Variants in HCN2 observed in about 807,000 individuals in gnomAD.
The protein encoded by HCN2 is hyperpolarization activated cyclic nucleotide gated potassium and sodium channel 2.
Under a neutral mutation model 52.3 loss-of-function variants are expected in HCN2, and 20 were observed. The observed-to-expected ratio is 0.38, with a 90% CI of 0.27 to 0.56. The LOEUF is 0.56. Ranked by LOEUF, HCN2 falls within the 20% of genes least tolerant of loss-of-function variation. The pLI, the probability that HCN2 is intolerant of heterozygous loss-of-function variation, is 0.71. For synonymous variants in HCN2, 694 were observed against 537.0 expected (o/e 1.29, Z -4.04); for missense variants, 981 against 1,207.7 (o/e 0.81, Z 2.78).
rs1227864041 is a variant in HCN2 at position 616,656 on chromosome 19, TC to T, written c.*188del. On this transcript the variant is annotated 3_prime_UTR_variant, in exon 8 of 8. Coordinates refer to ENST00000251287, the MANE Select transcript of HCN2 (RefSeq NM_001194.4). ...GCAGCCCCCTCCGCGCCCCCGGCCG[TC>T]CCCCCTCATCGCCCCGCGCCCACCC... The T allele has an allele frequency of 7.7e-6, 2 of 258,478 alleles. No homozygotes were observed. The highest frequency in any genetic ancestry group is 1.4e-5 in the Non-Finnish European group (2 of 143,514). 16.0% of individuals were successfully genotyped at this position (258,478 alleles called of 1,614,324 possible).
At chr19:607,933 C>A in intron 3 of HCN2, 31 bp from the exon 4 acceptor site, 1 of 1,566,358 alleles carries the variant, frequency 6.4e-7, no homozygotes, top group Non-Finnish European at 8.7e-7. Context: ...TGAGCACCTG[C>A]CCACCACCGC....
chr19:610,527 G>A (rs556600518), intron 5 of HCN2, 122 bp downstream of exon 5: 35 of 834,378 alleles, frequency 4.2e-5, no homozygotes, highest in Middle Eastern at 3.7e-4. Context: ...GGAGGGACTC[G>A]AGCTAGACCT....
chr19:616,240 C>T lies in HCN2; in HGVS notation c.2436C>T (p.Arg812=), dbSNP rs1222641362. The T allele has an allele frequency of 4.0e-6, 4 of 1,004,354 alleles. No individual in the cohort carries two copies. Among genetic ancestry groups the T allele is most frequent in the Admixed American group, 6.1e-5 (1 of 16,406 alleles). 62.2% of individuals were successfully genotyped at this position (1,004,354 alleles called of 1,614,324 possible). The change falls in exon 8 of 8, where the codon CGC becomes CGT. Residue 812 remains arginine (R), a synonymous_variant. Coordinates refer to ENST00000251287, the MANE Select transcript of HCN2 (RefSeq NM_001194.4). Reference sequence around the variant, plus strand: ...CTGGGCCCGCCCTGCCCGCGCGCCGCCTGAGCCGCGCGTCGCGCCCACTGT... The same window carrying T: ...CTGGGCCCGCCCTGCCCGCGCGCCGTCTGAGCCGCGCGTCGCGCCCACTGT... ...PLAGPALPAR[R]LSRASRPLSA...
intron 1 of HCN2, among the ~76,000 whole-genome samples, chr19:598,605 C>G (rs1400695442): frequency 6.6e-6 from 1 of 151,860 alleles, no homozygotes; most frequent in Admixed American, 6.5e-5. Flanking sequence ...TGCACCCACC[C>G]TTCCCTTCTT....
At chr19:608,220 G>T in intron 4 of HCN2, 38 bp downstream of exon 4, 1 of 1,580,046 alleles carries the variant, frequency 6.3e-7, no homozygotes, top group South Asian at 1.1e-5. Context: ...GTTCTGATGG[G>T]GGAGGCGGGC....
chr19:609,261 CCGTCCTGGGGACAG>C (rs1379101406), intron 4 of HCN2, among the ~76,000 whole-genome samples: 10 of 152,302 alleles, frequency 6.6e-5, no homozygotes, highest in Non-Finnish European at 1.0e-4. Context: ...CCGGGGGGCA[CCGTCCTGGGGACAG>C]CAGGGCCTGG....
chr19:600,733 G>A (rs1260187555), intron 1 of HCN2, among the ~76,000 whole-genome samples: 2 of 152,100 alleles, frequency 1.3e-5, no homozygotes, highest in African/African-American at 4.8e-5. Context: ...CGCCTGCCTT[G>A]GCCTCCCAAA....
chr19:597,203 C>A (rs1482740278), intron 1 of HCN2, among the ~76,000 whole-genome samples: 1 of 152,196 alleles, frequency 6.6e-6, no homozygotes, highest in Non-Finnish European at 1.5e-5. Context: ...CCCTGCTGGG[C>A]AAGATGGGCT....
chr19:606,034 C>T (rs887233804), intron 3 of HCN2, among the ~76,000 whole-genome samples: 1 of 152,212 alleles, frequency 6.6e-6, no homozygotes, highest in African/African-American at 2.4e-5. Context: ...GTCACCCAGA[C>T]ATCTGCTTAG....
intron 4 of HCN2, among the ~76,000 whole-genome samples, chr19:609,253 G>A (rs112712982): frequency 6.6e-6 from 1 of 152,156 alleles, no homozygotes; most frequent in African/African-American, 2.4e-5. Flanking sequence ...TGGAGCTGCC[G>A]GGGGGCACCG....
intron 1 of HCN2, among the ~76,000 whole-genome samples, chr19:594,998 C>G (rs571074909): frequency 1.3e-5 from 2 of 151,446 alleles, no homozygotes; most frequent in Admixed American, 1.3e-4. Context: ...CCCAGGAGTT[C>G]GAGACCAGCC....
intron 7 of HCN2, 22 bp from the exon 8 acceptor site, chr19:615,773 G>C (rs745848997): frequency 5.0e-6 from 8 of 1,608,870 alleles, no homozygotes; most frequent in Non-Finnish European, 6.8e-6. Context: ...CTGTGCACAC[G>C]CTAACGCCCC....
At chr19:593,593 C>T in intron 1 of HCN2, among the ~76,000 whole-genome samples, 1 of 152,178 alleles carries the variant, frequency 6.6e-6, no homozygotes, top group East Asian at 1.9e-4. Context: ...GCACTCCAGC[C>T]TGGCTGACAG....
At chr19:600,950 ACCCCCGG>A (rs1267863967) in intron 1 of HCN2, among the ~76,000 whole-genome samples, 10 of 150,490 alleles carry the variant, frequency 6.6e-5, no homozygotes, top group African/African-American at 2.2e-4. Flanking sequence ...CACCCCTCCA[ACCCCCGG>A]CCCCCGGCAC....
chr19:610,299 C>T lies in HCN2; in HGVS notation c.1478C>T (p.Pro493Leu). ...VEQYMSFHKL[P>L]ADFRQKIHDY... is the part of the protein sequence containing the mutation. Reference sequence around the variant, plus strand: ...CAGTACATGTCCTTCCACAAGCTGCCAGCTGACTTCCGCCAGAAGATCCAC... The same window carrying T: ...CAGTACATGTCCTTCCACAAGCTGCTAGCTGACTTCCGCCAGAAGATCCAC... The change falls in exon 5 of 8, where the codon CCA becomes CTA. Residue 493 changes from proline (P) to leucine (L), a missense_variant. Pro to Leu is a moderately conservative substitution (Grantham distance 98). Around this residue, in one of 6 missense-constraint regions of HCN2, gnomAD observed 282 missense variants for 553.8 expected, o/e 0.51. Transcript: ENST00000251287. The T allele has an allele frequency of 1.9e-6, 3 of 1,613,778 alleles. No homozygotes were observed. Among genetic ancestry groups the T allele is most frequent in the Non-Finnish European group, 2.5e-6 (3 of 1,179,826 alleles).
At chr19:599,608 T>C (rs1021440142) in intron 1 of HCN2, among the ~76,000 whole-genome samples, 4 of 148,722 alleles carry the variant, frequency 2.7e-5, no homozygotes, top group Non-Finnish European at 5.9e-5. Flanking sequence ...TGAAACCCCG[T>C]CTCTACTAAA....
intron 1 of HCN2, among the ~76,000 whole-genome samples, chr19:600,226 G>A (rs912778688): frequency 5.9e-5 from 9 of 152,174 alleles, no homozygotes; most frequent in Admixed American, 5.9e-4. Flanking sequence ...CGGCTGGAAT[G>A]CAGTGGCACG....
Position 615,870 on chromosome 19 carries a change from C to A in HCN2, c.2066C>A (p.Ala689Asp). The A allele has an allele frequency of 6.2e-7, 1 of 1,613,100 alleles. No homozygotes were observed. The highest frequency in any genetic ancestry group is 8.5e-7 in the Non-Finnish European group (1 of 1,179,898). Reference protein sequence around the residue: ...NSGVFNNQENAIIQEIVKYDR... With the variant: ...NSGVFNNQENDIIQEIVKYDR... ...GGCGTATTCAACAACCAGGAGAACG[C>A]CATCATCCAGGAGATCGTCAAGTAC... Residue 689 changes from alanine (A) to aspartate (D), a missense_variant, in exon 8 of 8, where the codon GCC becomes GAC. This residue lies in a region of HCN2 where 368 missense variants were observed against 314.8 expected (regional missense o/e 1.17). Coordinates refer to ENST00000251287, the MANE Select transcript of HCN2 (RefSeq NM_001194.4).
intron 5 of HCN2, among the ~76,000 whole-genome samples, chr19:612,924 C>G (rs1983707224): frequency 6.6e-6 from 1 of 152,016 alleles, no homozygotes; most frequent in Admixed American, 6.6e-5. Context: ...AAGCGATCCT[C>G]CCGCCTCGGC....
Sources: gnomAD v4.1 joint callset for allele counts (sites outside exome capture counted in the v4.1 genomes callset) on GRCh38, gnomAD v4.1.1 for gene constraint, gnomAD v4.1.1 regional missense constraint, MANE v1.5 for transcripts, NCBI Gene and HGNC (gene_info 2026-07-23, HGNC 2026-07-21) for gene names.